The following ITGAE variants were observed in gnomAD, a reference collection of about 807,000 sequenced individuals.
The protein encoded by ITGAE is integrin alpha-E.
ITGAE carries 99 observed loss-of-function variants against 136.5 expected under a neutral mutation model. That is an observed-to-expected ratio of 0.73 (90% CI 0.62 to 0.86). The LOEUF (loss-of-function observed/expected upper bound fraction) is 0.86, where lower values mean the gene tolerates loss of function less well. Among genes scored for constraint, ITGAE ranks in the 40% least tolerant of loss-of-function variants. The pLI is 0.00. For missense variants in ITGAE, 1,447 were observed against 1,515.3 expected (o/e 0.95, Z 0.75); for synonymous variants, 613 against 591.8 (o/e 1.04, Z -0.52).
At chr17:3,789,874 TA>T (rs2052897181) in intron 1 of ITGAE, among the ~76,000 whole-genome samples, 2 of 152,336 alleles carry the variant, frequency 1.3e-5, no homozygotes, top group South Asian at 4.1e-4. Flanking sequence ...ATGGATAAAT[TA>T]TTACTAATAA....
At chr17:3,729,785 G>C in intron 23 of ITGAE, 2 of 419,318 alleles carry the variant, frequency 4.8e-6, no homozygotes, top group Admixed American at 3.4e-5. Context: ...AGTAGAGATG[G>C]GGTTTCACCA....
At chr17:3,766,976 C>T (rs951137289) in intron 2 of ITGAE, among the ~76,000 whole-genome samples, 1 of 152,004 alleles carries the variant, frequency 6.6e-6, no homozygotes, top group Non-Finnish European at 1.5e-5. Context: ...CAAATGGCAC[C>T]AGCAACCACT....
chr17:3,729,001 A>G (rs982224562), intron 24 of ITGAE, among the ~76,000 whole-genome samples: 1 of 151,010 alleles, frequency 6.6e-6, no homozygotes, highest in African/African-American at 2.4e-5. Context: ...GCACCACTGC[A>G]CTCCAGCCTG....
At chr17:3,743,762 G>A (rs1223843288) in intron 18 of ITGAE, 145 bp from the exon 19 acceptor site, 13 of 815,942 alleles carry the variant, frequency 1.6e-5, no homozygotes, top group Non-Finnish European at 2.0e-5. Context: ...GAGTGCAGTG[G>A]CGTGATCTCG....
At chr17:3,775,536 T>A (rs2052518780) in intron 2 of ITGAE, among the ~76,000 whole-genome samples, 1 of 152,124 alleles carries the variant, frequency 6.6e-6, no homozygotes, top group Admixed American at 6.6e-5. Context: ...CTCGGCTCAC[T>A]GCAGCCTCCA....
chr17:3,725,935 A>G (rs2051200648), intron 26 of ITGAE: 1 of 1,613,500 alleles, frequency 6.2e-7, no homozygotes, highest in South Asian at 1.1e-5. Context: ...AAACTCCACT[A>G]CACCCTCAAT....
At chr17:3,753,699 G>A in intron 13 of ITGAE, 84 bp downstream of exon 13, 1 of 1,535,052 alleles carries the variant, frequency 6.5e-7, no homozygotes, top group African/African-American at 1.4e-5. Flanking sequence ...GGCCCACTGT[G>A]CACCGTGGGA....
At chr17:3,739,937 C>A in intron 19 of ITGAE, 59 bp from the exon 20 acceptor site, 3 of 1,383,424 alleles carry the variant, frequency 2.2e-6, no homozygotes, top group South Asian at 1.2e-5. Context: ...GCAGCCCTGC[C>A]TCCGGCTCTT....
intron 23 of ITGAE, 150 bp from the exon 24 acceptor site, chr17:3,729,705 A>C (rs1441551592): frequency 1.5e-4 from 97 of 627,146 alleles, no homozygotes; most frequent in East Asian, 2.1e-4. Flanking sequence ...AGCAATTCTC[A>C]TGCCTCAGCC....
intron 8 of ITGAE, 67 bp from the exon 9 acceptor site, chr17:3,757,926 T>A (rs1260563996): frequency 2.6e-6 from 4 of 1,553,398 alleles, no homozygotes; most frequent in Non-Finnish European, 3.5e-6. Flanking sequence ...CAGGAGAGAC[T>A]TTATTCTCTG....
At chr17:3,756,093 A>G (rs2052016134) in intron 10 of ITGAE, among the ~76,000 whole-genome samples, 196 bp from the exon 11 acceptor site, 1 of 152,142 alleles carries the variant, frequency 6.6e-6, no homozygotes, top group Non-Finnish European at 1.5e-5. Flanking sequence ...TCTAGGCCTC[A>G]GTTTCCTCGT....
chr17:3,747,672 T>G (rs1216503085), intron 17 of ITGAE, among the ~76,000 whole-genome samples: 1 of 152,094 alleles, frequency 6.6e-6, no homozygotes, highest in Non-Finnish European at 1.5e-5. Flanking sequence ...AGTGTCCCTC[T>G]TCCCAACAGT....
chr17:3,782,819 C>T (rs1299934908), intron 1 of ITGAE, among the ~76,000 whole-genome samples: 4 of 152,116 alleles, frequency 2.6e-5, no homozygotes, highest in East Asian at 3.9e-4. Context: ...TTTTTCGTCT[C>T]TAAATACACT....
chr17:3,723,613 AAC>A (rs533692873), intron 27 of ITGAE, 73 bp downstream of exon 27: 378 of 1,423,850 alleles, frequency 2.7e-4, no homozygotes, highest in Non-Finnish European at 3.3e-4. Context: ...ACCCAGGAAA[AAC>A]AGTCTCCTGG....
chr17:3,759,659 C>CGATA, intron 7 of ITGAE, 106 bp from the exon 8 acceptor site: 1 of 1,358,668 alleles, frequency 7.4e-7, no homozygotes, highest in South Asian at 1.3e-5. Flanking sequence ...TCTACCTTAT[C>CGATA]CCTGGGCAGA....
intron 1 of ITGAE, among the ~76,000 whole-genome samples, chr17:3,792,613 CAT>C (rs1227924872): frequency 6.6e-6 from 1 of 152,220 alleles, no homozygotes; most frequent in Non-Finnish European, 1.5e-5. Flanking sequence ...CAACAGCTAA[CAT>C]GTAGATCACG....
intron 8 of ITGAE, among the ~76,000 whole-genome samples, chr17:3,758,749 G>A (rs1029374241): frequency 1.3e-5 from 2 of 151,666 alleles, no homozygotes; most frequent in Non-Finnish European, 2.9e-5. Context: ...ACCACGCTCA[G>A]CCTATTTTTC....
At chr17:3,792,506 GAT>G (rs540773079) in intron 1 of ITGAE, among the ~76,000 whole-genome samples, 125 of 152,274 alleles carry the variant, frequency 8.2e-4, no homozygotes, top group Middle Eastern at 3.4e-3. Context: ...ATACAGGTAA[GAT>G]AAAACTCGCT....
At chr17:3,782,594 C>G (rs2052692423) in intron 1 of ITGAE, among the ~76,000 whole-genome samples, 1 of 151,986 alleles carries the variant, frequency 6.6e-6, no homozygotes, top group Admixed American at 6.6e-5. Context: ...TCTCGAACTC[C>G]TGACCTCAGG....
Sources: gnomAD v4.1 joint callset for allele counts (sites outside exome capture counted in the v4.1 genomes callset) on GRCh38, gnomAD v4.1.1 for gene constraint, MANE v1.5 for transcripts, NCBI Gene and HGNC (gene_info 2026-07-23, HGNC 2026-07-21) for gene names.